The following CXADR variants were observed in gnomAD, a reference collection of about 807,000 sequenced individuals.
The protein encoded by CXADR is coxsackievirus and adenovirus receptor.
CXADR carries 20 observed loss-of-function variants against 40.3 expected under a neutral mutation model. The ratio of observed to expected loss-of-function variants is 0.50; its 90% CI spans 0.35 to 0.72. The LOEUF is 0.72. Among genes scored for constraint, CXADR ranks in the 30% least tolerant of loss-of-function variants. CXADR has a pLI of 0.01. For missense variants in CXADR, 332 were observed against 449.1 expected, an observed-to-expected ratio of 0.74 and a Z score of 2.36; for synonymous variants, 150 against 161.3, an observed-to-expected ratio of 0.93 and a Z score of 0.53.
chr21:17,598,741 G>A, the CXADR span: 1 of 1,614,114 alleles, frequency 6.2e-7, no homozygotes, highest in Non-Finnish European at 8.5e-7. Flanking sequence ...AAGGGCCCTG[G>A]TAACTTTCCT....
chr21:17,545,207 CAG>C, intron 1 of CXADR, among the ~76,000 whole-genome samples: 1 of 148,788 alleles, frequency 6.7e-6, no homozygotes, highest in Admixed American at 6.9e-5. Flanking sequence ...TGAAGGTTGT[CAG>C]AGTCAGGTGA....
intron 6 of CXADR, among the ~76,000 whole-genome samples, chr21:17,562,976 AC>A (rs2061144881): frequency 6.6e-6 from 1 of 152,140 alleles, no homozygotes; most frequent in African/African-American, 2.4e-5. Context: ...AGACCACTAA[AC>A]TTTCTCCATA....
chr21:17,532,172 G>A (rs1341538085), intron 1 of CXADR, among the ~76,000 whole-genome samples: 1 of 151,990 alleles, frequency 6.6e-6, no homozygotes, highest in Admixed American at 6.6e-5. Flanking sequence ...GGCCTAAGCA[G>A]TCTTCCTGCC....
At chr21:17,583,906 G>A (rs1409028325) in intron 7 of CXADR, among the ~76,000 whole-genome samples, 3 of 152,180 alleles carry the variant, frequency 2.0e-5, no homozygotes, top group South Asian at 2.1e-4. Flanking sequence ...GCCTACGGGT[G>A]TAGTAACCTC....
At chr21:17,549,575 A>G (rs1480382666) in intron 2 of CXADR, among the ~76,000 whole-genome samples, 1 of 152,248 alleles carries the variant, frequency 6.6e-6, no homozygotes, top group African/African-American at 2.4e-5. Flanking sequence ...GGACAATGCC[A>G]TCGTCCTTGC....
At chr21:17,536,620 A>G (rs545398377) in intron 1 of CXADR, among the ~76,000 whole-genome samples, 71 of 152,322 alleles carry the variant, frequency 4.7e-4, no homozygotes, top group Non-Finnish European at 7.2e-4. Flanking sequence ...GTTCACTTCC[A>G]GTTAAGTTAG....
chr21:17,514,906 G>A (rs796088389), intron 1 of CXADR, among the ~76,000 whole-genome samples: 7 of 152,142 alleles, frequency 4.6e-5, no homozygotes, highest in African/African-American at 1.7e-4. Context: ...TTACAAGCGT[G>A]AGCCACCATG....
the CXADR span, among the ~76,000 whole-genome samples, chr21:17,629,832 T>TAAGC: frequency 1.9e-4 from 8 of 41,960 alleles, no homozygotes; most frequent in African/African-American, 1.7e-3. Flanking sequence ...AATAAGCAAA[T>TAAGC]AAATAAATAA....
chr21:17,534,110 T>A lies in CXADR; in HGVS notation c.44-12917T>A, dbSNP rs1256012881. Among the ~76,000 whole-genome samples, 421 of 78,200 alleles carry A rather than the reference T, an allele frequency of 5.4e-3. 3 individuals are homozygous for A. The highest frequency in any genetic ancestry group is 0.015 in the African/African-American group (399 of 26,852). 51.3% of individuals were successfully genotyped at this position (78,200 alleles called of 152,430 possible). A position where few individuals can be genotyped will look rare whatever the true frequency, so the allele number is the denominator to read the frequency against. On this transcript the variant is annotated intron_variant, in intron 1 of 6. Coordinates refer to ENST00000284878, the MANE Select transcript of CXADR (RefSeq NM_001338.5). ...TATATATATATATATATTTTTTTTT[T>A]TTTTTTTTTTTTTTTGAGATGGAGT... is the stretch of plus-strand genomic sequence containing the variant.
chr21:17,594,406 G>A, downstream of CXADR: 1 of 1,502,120 alleles, frequency 6.7e-7, no homozygotes, highest in Non-Finnish European at 9.0e-7. Context: ...TCTCATTAAA[G>A]ACAAACAAAG....
Position 17,568,458 on chromosome 21 carries a change from T to G in CXADR, c.*2766T>G, listed in dbSNP as rs955214948. The G allele has an allele frequency of 1.8e-5, 18 of 983,886 alleles. No homozygotes were observed. The African/African-American group carries it at 3.0e-4, about 16-fold the overall frequency. The allele number at this position is 983,886 out of a possible 1,614,324, so 60.9% of individuals were successfully genotyped here. On this transcript the variant is annotated 3_prime_UTR_variant, in exon 7 of 7. Coordinates refer to ENST00000284878, the MANE Select transcript of CXADR (RefSeq NM_001338.5). ...CTGCATCTTAACAGCAAAGCCATTT[T>G]ATTCTACTTTATAACTGAGAGACTT...
the CXADR span, among the ~76,000 whole-genome samples, chr21:17,634,205 G>T: frequency 6.6e-6 from 1 of 152,170 alleles, no homozygotes; most frequent in African/African-American, 2.4e-5. Context: ...TCAGAGGAGA[G>T]ATTTCCTATC....
chr21:17,531,525 C>T (rs190465251), intron 1 of CXADR, among the ~76,000 whole-genome samples: 3 of 152,174 alleles, frequency 2.0e-5, no homozygotes. Flanking sequence ...TATCAACTCT[C>T]AGCTCATGTC....
chr21:17,612,566 C>A, the CXADR span: 2 of 152,294 alleles, frequency 1.3e-5, no homozygotes, highest in East Asian at 3.9e-4. Context: ...TGGTTCCATC[C>A]CCTGCCCCTC....
intron 7 of CXADR, among the ~76,000 whole-genome samples, chr21:17,583,999 C>T (rs910802734): frequency 2.6e-5 from 4 of 152,222 alleles, no homozygotes; most frequent in East Asian, 3.9e-4. Context: ...TTAGTGCTTT[C>T]GAGGCTTGCA....
At chr21:17,563,919 C>A (rs1265488271) in intron 6 of CXADR, among the ~76,000 whole-genome samples, 1 of 67,512 alleles carries the variant, frequency 1.5e-5, no homozygotes, top group Non-Finnish European at 3.1e-5. Flanking sequence ...CCAGCCTGGG[C>A]AACAGAGCAA....
the CXADR span, among the ~76,000 whole-genome samples, chr21:17,632,354 TAAGAG>T: frequency 1.3e-5 from 2 of 152,094 alleles, no homozygotes; most frequent in Non-Finnish European, 2.9e-5. Flanking sequence ...GAGGGAAACT[TAAGAG>T]AACACCATGT....
chr21:17,577,033 G>A (rs1263332728), intron 7 of CXADR: 1 of 151,926 alleles, frequency 6.6e-6, no homozygotes, highest in Admixed American at 6.6e-5. Context: ...CAAAACTCTA[G>A]GATATACACC....
chr21:17,611,435 G>C, the CXADR span, among the ~76,000 whole-genome samples: 1 of 152,188 alleles, frequency 6.6e-6, no homozygotes, highest in South Asian at 2.1e-4. Flanking sequence ...CCACTTAGTG[G>C]TTGCTTTTGG....
Sources: allele counts gnomAD v4.1 joint callset (sites outside exome capture counted in the v4.1 genomes callset), GRCh38; gene constraint gnomAD v4.1.1; transcripts MANE v1.5; gene names NCBI Gene and HGNC (gene_info 2026-07-23, HGNC 2026-07-21).